Variants in RGPD3 observed in about 807,000 individuals in gnomAD.
RGPD3 encodes ranBP2-like and GRIP domain-containing protein 3.
RGPD3 carries 62 observed loss-of-function variants against 154.5 expected under a neutral mutation model. That is an observed-to-expected ratio of 0.40 (90% CI 0.33 to 0.50). RGPD3 has a LOEUF of 0.50. Ranked by LOEUF, RGPD3 falls within the 20% of genes least tolerant of loss-of-function variation. RGPD3 has a pLI of 0.59. For missense variants in RGPD3, 919 were observed against 1,716.8 expected (o/e 0.54, Z 8.21); for synonymous variants, 308 against 607.0 (o/e 0.51, Z 7.24).
chr2:106,437,570 A>G lies in RGPD3; in HGVS notation c.1277-716T>C, dbSNP rs566630306. ...TGCGCTTCTGGAAGCATGAAGAGGT[A>G]TAATCTTTCTGTCATTTTGGCAATT... is the stretch of plus-strand genomic sequence containing the variant. On this transcript the variant is annotated intron_variant, in intron 9 of 22. Transcript: ENST00000409886. Among the ~76,000 whole-genome samples the G allele has an allele frequency of 1.1e-3, 169 of 152,360 alleles. 1 individual carries two copies. Among genetic ancestry groups the G allele is most frequent in the Admixed American group, 1.8e-3 (28 of 15,296 alleles).
chr2:106,417,639 G>T (rs1448234986), intron 20 of RGPD3, among the ~76,000 whole-genome samples: 1 of 150,116 alleles, frequency 6.7e-6, no homozygotes, highest in African/African-American at 2.5e-5. Flanking sequence ...TTTCTCGAAG[G>T]TTCTTCAAAG....
chr2:106,466,371 CG>C (rs1678590962), intron 1 of RGPD3, among the ~76,000 whole-genome samples: 1 of 149,354 alleles, frequency 6.7e-6, no homozygotes, highest in Admixed American at 6.6e-5. Flanking sequence ...GCCGCCGGGC[CG>C]GGTCCAGGCC....
intron 20 of RGPD3, among the ~76,000 whole-genome samples, chr2:106,421,647 G>A (rs1676991284): frequency 6.6e-6 from 1 of 152,070 alleles, no homozygotes; most frequent in Non-Finnish European, 1.5e-5. Context: ...GCTGTAGAAT[G>A]CTGGCTGTTA....
At chr2:106,436,088 A>G (rs1677540311) in intron 12 of RGPD3, 35 bp downstream of exon 12, 1 of 1,569,656 alleles carries the variant, frequency 6.4e-7, no homozygotes, top group South Asian at 1.2e-5. Flanking sequence ...AATTAAGGTA[A>G]TGTTCTTTTA....
chr2:106,463,420 A>G lies in RGPD3; in HGVS notation c.73-4088T>C, dbSNP rs1412684232. Among the ~76,000 whole-genome samples, 4 of 151,870 alleles carry G rather than the reference A, an allele frequency of 2.6e-5. No individual in the cohort carries two copies. In the East Asian group the frequency reaches 7.7e-4, roughly 29 times the overall value. On this transcript the variant is annotated intron_variant, in intron 1 of 22. Transcript: ENST00000409886. Reference sequence around the variant, plus strand: ...AACCCGGGAGGCGGAGGTTGTGGTGAGCTGAGACCATGCCACTGCACTCCA... The same window carrying G: ...AACCCGGGAGGCGGAGGTTGTGGTGGGCTGAGACCATGCCACTGCACTCCA...
chr2:106,462,298 G>A (rs1386885709), intron 1 of RGPD3, among the ~76,000 whole-genome samples: 1 of 150,470 alleles, frequency 6.6e-6, no homozygotes, highest in Non-Finnish European at 1.5e-5. Context: ...ACAATCTTAA[G>A]ATAATTAAAC....
chr2:106,463,088 AG>A, intron 1 of RGPD3, among the ~76,000 whole-genome samples: 1 of 152,150 alleles, frequency 6.6e-6, no homozygotes, highest in South Asian at 2.1e-4. Context: ...CCCAATTGAA[AG>A]GACACTTTCA....
At chr2:106,459,487 T>A (rs1159025912) in intron 1 of RGPD3, among the ~76,000 whole-genome samples, 155 bp from the exon 2 acceptor site, 2 of 147,186 alleles carry the variant, frequency 1.4e-5, no homozygotes, top group East Asian at 4.1e-4. Context: ...CATAATTCCA[T>A]GTTTTATAAT....
At chr2:106,448,006 T>C (rs1337011835) in intron 6 of RGPD3, among the ~76,000 whole-genome samples, 2 of 151,492 alleles carry the variant, frequency 1.3e-5, no homozygotes, top group African/African-American at 4.9e-5. Flanking sequence ...AAATTAGACA[T>C]AGCATTTCCA....
intron 2 of RGPD3, among the ~76,000 whole-genome samples, chr2:106,459,028 T>G (rs1422352154): frequency 2.2e-4 from 33 of 146,674 alleles, no homozygotes; most frequent in Admixed American, 5.7e-4. Flanking sequence ...AAAAGTGTTT[T>G]AAGCCAAACA....
At chr2:106,411,795 G>A (rs922113798) in intron 22 of RGPD3, among the ~76,000 whole-genome samples, 1 of 152,172 alleles carries the variant, frequency 6.6e-6, no homozygotes, top group African/African-American at 2.4e-5. Context: ...TCCAGCCAGG[G>A]TGACAGAGCA....
rs1170097694 is a variant in RGPD3 at position 106,447,780 on chromosome 2, C to T, written c.783-167G>A. ...GTTATAAATTATGAATCATCTAATG[C>T]TTATTTTTATCCTGCATACTTCCTA... On this transcript the variant is annotated intron_variant, in intron 6 of 22. Coordinates refer to ENST00000409886, the MANE Select transcript of RGPD3 (RefSeq NM_001144013.2). 9.7e-4 allele frequency among the ~76,000 whole-genome samples: 138 copies of T among 142,446 alleles called. 3 individuals are homozygous for T. In the East Asian group the frequency reaches 0.021, roughly 22 times the overall value. The allele number at this position is 142,446 out of a possible 152,430, so 93.5% of individuals were successfully genotyped here. A position where few individuals can be genotyped will look rare whatever the true frequency, so the allele number is the denominator to read the frequency against.
At chr2:106,465,974 C>CGG in intron 1 of RGPD3, among the ~76,000 whole-genome samples, 1 of 152,172 alleles carries the variant, frequency 6.6e-6, no homozygotes, top group Admixed American at 6.5e-5. Context: ...GCGTCAGTCC[C>CGG]CACTGGGTTC....
rs573869414 is a variant in RGPD3 at position 106,424,142 on chromosome 2, A to T, written c.3825T>A (p.Ser1275Arg). Residue 1275 changes from serine to arginine, a missense_variant, in exon 20 of 23, where the codon AGT becomes AGA. Ser to Arg is a moderately radical substitution (Grantham distance 110, BLOSUM62 -1). Transcript: ENST00000409886. ...GGAAAAGATTTTTTCTCACAGGGCTACTTGCCAATGGAGAAGCATGTACTG... is the reference window on the plus strand; with the variant it reads ...GGAAAAGATTTTTTCTCACAGGGCTTCTTGCCAATGGAGAAGCATGTACTG... Reference protein sequence around the residue: ...SSSVHASPLASSPVRKNLFHF... With the variant: ...SSSVHASPLARSPVRKNLFHF... The T allele has an allele frequency of 8.1e-5, 130 of 1,610,262 alleles. 5 individuals carry two copies. Among genetic ancestry groups the T allele is most frequent in the Non-Finnish European group, 1.1e-4 (127 of 1,179,096 alleles).
intron 1 of RGPD3, among the ~76,000 whole-genome samples, 163 bp from the exon 2 acceptor site, chr2:106,459,495 A>C (rs1427386947): frequency 1.4e-5 from 2 of 147,970 alleles, no homozygotes; most frequent in Non-Finnish European, 3.0e-5. Context: ...CATGTTTTAT[A>C]ATTTCCTATC....
chr2:106,468,425 G>T (rs1678719069), upstream of RGPD3: 18 of 1,501,140 alleles, frequency 1.2e-5, no homozygotes, highest in Non-Finnish European at 1.5e-5. Flanking sequence ...ACGAACTTGT[G>T]TCCTGCGTCA....
At chr2:106,465,555 G>A (rs187538233) in intron 1 of RGPD3, among the ~76,000 whole-genome samples, 1 of 76,676 alleles carries the variant, frequency 1.3e-5, no homozygotes, top group African/African-American at 4.3e-5. Context: ...AAGGCTCTAA[G>A]CTTGCTTTTT....
rs2104459836 is a variant in RGPD3 at position 106,424,918 on chromosome 2, T to C, written c.3049A>G (p.Thr1017Ala). The C allele has an allele frequency of 1.2e-6, 2 of 1,611,854 alleles. No individual in the cohort carries two copies. The highest frequency in any genetic ancestry group is 3.3e-5 in the Admixed American group (2 of 59,988). The change falls in exon 20 of 23, where the codon ACT becomes GCT. Residue 1017 changes from threonine (T) to alanine (A), a missense_variant. Thr to Ala is a moderately conservative substitution (Grantham distance 58, BLOSUM62 0). Transcript: ENST00000409886. Reference protein sequence around the residue: ...QYGKMANKANTSGDFEKDDDA... With the variant: ...QYGKMANKANASGDFEKDDDA... ...TCATCTTTCTCAAAGTCACCGGAAGTGTTTGCTTTATTGGCCATTTTACCG... is the reference window on the plus strand; with the variant it reads ...TCATCTTTCTCAAAGTCACCGGAAGCGTTTGCTTTATTGGCCATTTTACCG...
chr2:106,465,400 G>A (rs1342422565), intron 1 of RGPD3, among the ~76,000 whole-genome samples: 2 of 140,752 alleles, frequency 1.4e-5, no homozygotes. Flanking sequence ...AAGAGAGGTG[G>A]TCATAATAAC....
Sources: allele counts gnomAD v4.1 joint callset (sites outside exome capture counted in the v4.1 genomes callset), GRCh38; gene constraint gnomAD v4.1.1; transcripts MANE v1.5; gene names NCBI Gene and HGNC (gene_info 2026-07-23, HGNC 2026-07-21).